DGKI: variants seen among roughly 807,000 people sequenced by gnomAD.
DGKI encodes diacylglycerol kinase iota.
In DGKI, 55 loss-of-function variants were observed where a neutral mutation model predicts 147.5. The observed-to-expected ratio is 0.37, with a 90% CI of 0.30 to 0.47. DGKI has a LOEUF of 0.47. Among genes scored for constraint, DGKI ranks in the 20% least tolerant of loss-of-function variants. The pLI, the probability that DGKI is intolerant of heterozygous loss-of-function variation, is 1.00. For synonymous variants in DGKI, 469 were observed against 477.1 expected (o/e 0.98, Z 0.22); for missense variants, 1,007 against 1,323.8 (o/e 0.76, Z 3.71).
At chr7:137,391,458 TA>T in intron 32 of DGKI, 122 bp from the exon 33 acceptor site, 2 of 653,420 alleles carry the variant, frequency 3.1e-6, no homozygotes, top group Non-Finnish European at 5.3e-6. Flanking sequence ...TACGCAAGGA[TA>T]CCTGCTAGTA....
rs144763517 is a variant in DGKI at position 137,661,245 on chromosome 7, G to A, written c.607-4705C>T. On this transcript the variant is annotated intron_variant, in intron 3 of 32. Transcript: ENST00000614521. ...TAGGAAAAGAGCCAGCATGGCAACC[G>A]GTTCTTAGTCTCCCCATCTCAGAGG... 3.0e-3 allele frequency among the ~76,000 whole-genome samples: 463 copies of A among 152,218 alleles called. 2 individuals carry two copies. Among genetic ancestry groups the A allele is most frequent in the African/African-American group, 0.01 (418 of 41,544 alleles).
Position 137,623,566 on chromosome 7 carries a change from G to T in DGKI, c.805-12C>A. On this transcript the variant is annotated splice_polypyrimidine_tract_variant and intron_variant, in intron 6 of 32. Coordinates refer to ENST00000614521, the MANE Select transcript of DGKI (RefSeq NM_001321708.2). Reference sequence around the variant, plus strand: ...TTTTGCTGGAAGCCCTGGGATATTAGAACAAGAGACAGATAATTTAAAACC... The same window carrying T: ...TTTTGCTGGAAGCCCTGGGATATTATAACAAGAGACAGATAATTTAAAACC... The T allele has an allele frequency of 6.2e-7, 1 of 1,611,728 alleles. No individual in the cohort carries two copies. Among genetic ancestry groups the T allele is most frequent in the South Asian group, 1.1e-5 (1 of 91,008 alleles).
chr7:137,836,405 T>C (rs954461463), intron 1 of DGKI, among the ~76,000 whole-genome samples: 15 of 152,226 alleles, frequency 9.9e-5, no homozygotes, highest in African/African-American at 2.4e-5. Context: ...TTGCAAAGAC[T>C]TGCAGCTCAA....
intron 1 of DGKI, among the ~76,000 whole-genome samples, chr7:137,829,898 C>T (rs945181343): frequency 9.2e-5 from 14 of 151,912 alleles, no homozygotes; most frequent in African/African-American, 2.9e-4. Context: ...AAAAGGAGGA[C>T]GATGCAGGCA....
chr7:137,778,969 T>G (rs1429785620), intron 1 of DGKI, among the ~76,000 whole-genome samples: 1 of 152,160 alleles, frequency 6.6e-6, no homozygotes, highest in Non-Finnish European at 1.5e-5. Context: ...CAATCATAAC[T>G]CCAGCAGGTC....
intron 1 of DGKI, among the ~76,000 whole-genome samples, chr7:137,828,623 A>T (rs1229778504): frequency 3.3e-5 from 5 of 152,144 alleles, no homozygotes; most frequent in Admixed American, 1.3e-4. Context: ...AATGCACATT[A>T]CTTGAGTTAT....
At chr7:137,408,752 G>A (rs533080632) in intron 29 of DGKI, among the ~76,000 whole-genome samples, 1 of 152,206 alleles carries the variant, frequency 6.6e-6, no homozygotes, top group African/African-American at 2.4e-5. Flanking sequence ...CTGAGGATAA[G>A]GTGGCTACAT....
intron 1 of DGKI, among the ~76,000 whole-genome samples, chr7:137,801,728 C>A (rs1445675613): frequency 6.6e-6 from 1 of 152,112 alleles, no homozygotes; most frequent in Non-Finnish European, 1.5e-5. Context: ...CAGGCTTGCA[C>A]CCACTGGGGG....
At chr7:137,737,228 A>C (rs1795050554) in intron 1 of DGKI, among the ~76,000 whole-genome samples, 1 of 136,644 alleles carries the variant, frequency 7.3e-6, no homozygotes, top group African/African-American at 3.1e-5. Context: ...AAAAAAAAAT[A>C]CATACAAATT....
Position 137,385,880 on chromosome 7 carries a change from A to G in DGKI, c.*5340T>C, listed in dbSNP as rs998364266. On this transcript the variant is annotated 3_prime_UTR_variant, in exon 33 of 33. Coordinates refer to ENST00000614521, the MANE Select transcript of DGKI (RefSeq NM_001321708.2). ...GGTTCTCCTGCACTGCACTTATCAC[A>G]TTGGAATTTGTCTTTTCTTCTAGAT... 1.3e-4 allele frequency: 20 copies of G among 152,062 alleles called. No individual in the cohort carries two copies. The highest frequency in any genetic ancestry group is 9.8e-4 in the Admixed American group (15 of 15,246). 9.4% of individuals were successfully genotyped at this position (152,062 alleles called of 1,614,324 possible).
intron 12 of DGKI, 60 bp from the exon 13 acceptor site, chr7:137,587,270 C>T: frequency 1.5e-6 from 2 of 1,356,030 alleles, no homozygotes; most frequent in Admixed American, 2.6e-5. Flanking sequence ...ACAAAGAAAA[C>T]AGTTTGAGAA....
intron 20 of DGKI, among the ~76,000 whole-genome samples, chr7:137,541,054 A>G (rs1646364): frequency 0.1 from 15,570 of 152,164 alleles, 1,756 homozygotes; most frequent in African/African-American, 0.27. Context: ...ATGTGTATGG[A>G]AAGACAAAGG....
At chr7:137,514,000 A>G in intron 21 of DGKI, 1 of 656,350 alleles carries the variant, frequency 1.5e-6, no homozygotes, top group South Asian at 1.5e-5. Flanking sequence ...GACGCTGGGG[A>G]TGCTGGTACA....
intron 2 of DGKI, among the ~76,000 whole-genome samples, chr7:137,681,809 A>C (rs2116410499): frequency 6.6e-6 from 1 of 152,404 alleles, no homozygotes; most frequent in Non-Finnish European, 1.5e-5. Flanking sequence ...GCCCATGGAA[A>C]GTCCTGCCTG....
intron 3 of DGKI, among the ~76,000 whole-genome samples, chr7:137,675,683 C>CAAAA (rs61282606): frequency 9.3e-6 from 1 of 107,688 alleles, no homozygotes. Flanking sequence ...AGACTACATC[C>CAAAA]AAAAAAAAAA....
In DGKI at chr7:137,654,742, G is replaced by A. The variant is rs1822157173; in HGVS notation, c.728C>T (p.Ser243Leu). 2 of 1,606,768 alleles carry A rather than the reference G, an allele frequency of 1.2e-6. No individual in the cohort carries two copies. The highest frequency in any genetic ancestry group is 1.7e-6 in the Non-Finnish European group (2 of 1,174,374). ...KPTFREGGSR[S>L]PRENFVRHHW... ...CTCTGAAATACTCACTTCTCTTGGT[G>A]ACCTTGAGCCTCCTTCTCGAAATGT... Residue 243 changes from serine (S) to leucine (L), a missense_variant, in exon 5 of 33, where the codon TCA becomes TTA. By Grantham distance (145) the Ser-to-Leu change is moderately radical. Transcript: ENST00000614521.
At chr7:137,417,410 A>G (rs1812399544) in intron 28 of DGKI, among the ~76,000 whole-genome samples, 1 of 152,214 alleles carries the variant, frequency 6.6e-6, no homozygotes, top group African/African-American at 2.4e-5. Flanking sequence ...TCTATGCTGT[A>G]TCTTCAAATA....
intron 1 of DGKI, among the ~76,000 whole-genome samples, chr7:137,802,113 G>A (rs1797230366): frequency 6.6e-6 from 1 of 152,138 alleles, no homozygotes; most frequent in Non-Finnish European, 1.5e-5. Flanking sequence ...GGAGCTGGAG[G>A]CCATTATTCT....
intron 10 of DGKI, among the ~76,000 whole-genome samples, chr7:137,601,575 C>A (rs768879067): frequency 5.3e-5 from 8 of 152,184 alleles, no homozygotes; most frequent in Admixed American, 6.5e-5. Context: ...GCATTTATAA[C>A]CTTGCAGAAA....
Sources: allele counts gnomAD v4.1 joint callset (sites outside exome capture counted in the v4.1 genomes callset), GRCh38; gene constraint gnomAD v4.1.1; transcripts MANE v1.5; gene names NCBI Gene and HGNC (gene_info 2026-07-23, HGNC 2026-07-21).